The following FMN1 variants were observed in gnomAD, a reference collection of about 807,000 sequenced individuals.
The protein encoded by FMN1 is formin 1.
FMN1 carries 110 observed loss-of-function variants against 132.4 expected under a neutral mutation model. That is an observed-to-expected ratio of 0.83 (90% confidence interval 0.71 to 0.97). The LOEUF is 0.97. FMN1 is among the 50% of genes least tolerant of loss of function. The pLI is 0.00. For synonymous variants in FMN1, 722 were observed against 651.7 expected, an observed-to-expected ratio of 1.11 and a Z score of -1.64; for missense variants, 1,792 against 1,705.3, an observed-to-expected ratio of 1.05 and a Z score of -0.90.
chr15:33,163,669 G>A (rs1964987044), intron 3 of FMN1, among the ~76,000 whole-genome samples: 1 of 151,364 alleles, frequency 6.6e-6, no homozygotes. Flanking sequence ...CGAGGCTGGA[G>A]TACAGTGGTG....
At chr15:33,003,726 G>T (rs1042640292) in intron 7 of FMN1, among the ~76,000 whole-genome samples, 1,771 of 152,172 alleles carry the variant, frequency 0.012, 43 homozygotes, top group African/African-American at 0.041. Context: ...AAAAGAGCCC[G>T]CATTGCCAAG....
chr15:33,153,984 C>T lies in FMN1; in HGVS notation c.931G>A (p.Asp311Asn), dbSNP rs201784615. Reference sequence around the variant, plus strand: ...CGCTTAGCCGGCTTCTCCATCTCATCCTTTTCTGCCTCTGGATGCTTCTCA... The same window carrying T: ...CGCTTAGCCGGCTTCTCCATCTCATTCTTTTCTGCCTCTGGATGCTTCTCA... ...DPEKHPEAEKDEMEKPAKRTC... is the reference protein window; with the variant it reads ...DPEKHPEAEKNEMEKPAKRTC... Residue 311 changes from aspartate to asparagine, a missense_variant, in exon 4 of 21, where the codon GAT becomes AAT. Asp to Asn is a conservative substitution (Grantham distance 23). Transcript: ENST00000616417. 19 of 1,536,578 alleles carry T rather than the reference C, an allele frequency of 1.2e-5. No individual in the cohort carries two copies. In the East Asian group the frequency reaches 4.6e-4, roughly 38 times the overall value.
chr15:32,888,859 T>G (rs1428494003), intron 15 of FMN1, among the ~76,000 whole-genome samples: 3 of 95,550 alleles, frequency 3.1e-5, no homozygotes, highest in African/African-American at 3.5e-5. Context: ...ATACACAGGT[T>G]TTTTTTTTTT....
At chr15:32,951,396 C>T (rs545424737) in intron 9 of FMN1, among the ~76,000 whole-genome samples, 1 of 151,358 alleles carries the variant, frequency 6.6e-6, no homozygotes, top group South Asian at 2.1e-4. Flanking sequence ...AATTCATTTG[C>T]TTTAACTGCA....
chr15:32,926,409 G>A, intron 9 of FMN1, 148 bp from the exon 10 acceptor site: 1 of 546,932 alleles, frequency 1.8e-6, no homozygotes, highest in Non-Finnish European at 3.2e-6. Flanking sequence ...ATACTTAATT[G>A]GGAAGTAACT....
chr15:33,167,650 C>A (rs1317552980), intron 3 of FMN1, among the ~76,000 whole-genome samples: 1 of 152,130 alleles, frequency 6.6e-6, no homozygotes, highest in Non-Finnish European at 1.5e-5. Flanking sequence ...TGTTAATAGC[C>A]TACTGTTGAC....
chr15:32,771,773 A>C lies in FMN1; in HGVS notation c.*2537T>G, dbSNP rs546605675. The C allele has an allele frequency of 2.0e-5, 3 of 152,362 alleles. No homozygotes were observed. Among genetic ancestry groups the C allele is most frequent in the African/African-American group, 7.2e-5 (3 of 41,596 alleles). The allele number at this position is 152,362 out of a possible 1,614,324, so 9.4% of individuals were successfully genotyped here. A position where few individuals can be genotyped will look rare whatever the true frequency, so the allele number is the denominator to read the frequency against. ...AGATCCTCCTGCTACACTGAACACA[A>C]GCTCAACAGCATTTTAGAGGGATCA... On this transcript the variant is annotated 3_prime_UTR_variant, in exon 21 of 21. Transcript: ENST00000616417.
At chr15:33,073,268 C>G (rs1472134774) in intron 5 of FMN1, among the ~76,000 whole-genome samples, 1 of 152,200 alleles carries the variant, frequency 6.6e-6, no homozygotes, top group Non-Finnish European at 1.5e-5. Context: ...CATGATTCTC[C>G]TTGTCCAACT....
chr15:33,017,840 G>A (rs570600209), intron 6 of FMN1, among the ~76,000 whole-genome samples: 2 of 152,160 alleles, frequency 1.3e-5, no homozygotes, highest in South Asian at 2.1e-4. Context: ...TGAGGCGGAC[G>A]GATTTCCTGA....
At chr15:32,785,182 G>GTATA (rs2056818263) in intron 19 of FMN1, among the ~76,000 whole-genome samples, 1 of 37,404 alleles carries the variant, frequency 2.7e-5, no homozygotes, top group African/African-American at 9.7e-5. Context: ...GTGTGTGTGT[G>GTATA]TGTGTGTGTG....
At chr15:33,016,752 A>T (rs558814752) in intron 6 of FMN1, among the ~76,000 whole-genome samples, 35 of 152,294 alleles carry the variant, frequency 2.3e-4, no homozygotes, top group African/African-American at 8.2e-4. Flanking sequence ...ACAGTTTTTA[A>T]GCCTCACCCC....
At chr15:32,816,308 A>AT (rs1471594346) in intron 17 of FMN1, among the ~76,000 whole-genome samples, 2 of 152,222 alleles carry the variant, frequency 1.3e-5, no homozygotes, top group African/African-American at 4.8e-5. Context: ...TAAATAAAGA[A>AT]TATAAAGCAG....
intron 9 of FMN1, among the ~76,000 whole-genome samples, chr15:32,954,937 GGTGGAGGTT>G (rs2061731462): frequency 6.6e-6 from 1 of 152,200 alleles, no homozygotes; most frequent in South Asian, 2.1e-4. Context: ...GAACCTGAGA[GGTGGAGGTT>G]GCAGTGACTA....
chr15:33,122,342 A>C (rs1962645428), intron 4 of FMN1, among the ~76,000 whole-genome samples: 1 of 152,226 alleles, frequency 6.6e-6, no homozygotes, highest in African/African-American at 2.4e-5. Flanking sequence ...TAAAAGAAGA[A>C]AATTTTTTAA....
chr15:32,915,904 A>G (rs963005113), intron 10 of FMN1, among the ~76,000 whole-genome samples: 4 of 152,228 alleles, frequency 2.6e-5, no homozygotes, highest in Admixed American at 2.6e-4. Context: ...CGCTGTGAAA[A>G]GCTGGTAATT....
At chr15:32,914,749 C>T (rs1463778734) in intron 10 of FMN1, among the ~76,000 whole-genome samples, 1 of 152,222 alleles carries the variant, frequency 6.6e-6, no homozygotes, top group Non-Finnish European at 1.5e-5. Context: ...AGTGACATTG[C>T]TAACTAGCTC....
In FMN1 at chr15:32,964,048, CAT is replaced by C. The variant is rs373128790; in HGVS notation, c.3138+57_3138+58del. 8.7e-3 allele frequency: 9,749 copies of C among 1,122,664 alleles called. 481 individuals are homozygous for C. The highest frequency in any genetic ancestry group is 0.083 in the African/African-American group (4,672 of 56,312). The allele number at this position is 1,122,664 out of a possible 1,614,324, so 69.5% of individuals were successfully genotyped here. ...ACACACACACACACACACACACACA[CAT>C]ATATACCATTTCCCTGTATAATATA... On this transcript the variant is annotated intron_variant, in intron 9 of 20. Coordinates refer to ENST00000616417, the MANE Select transcript of FMN1 (RefSeq NM_001277313.2).
intron 12 of FMN1, among the ~76,000 whole-genome samples, chr15:32,902,346 A>C (rs2060318401): frequency 6.6e-6 from 1 of 152,246 alleles, no homozygotes; most frequent in African/African-American, 2.4e-5. Flanking sequence ...CAAGAGACTA[A>C]ACCCAAATGG....
intron 6 of FMN1, among the ~76,000 whole-genome samples, chr15:33,016,566 G>T (rs148336224): frequency 6.6e-6 from 1 of 152,188 alleles, no homozygotes; most frequent in African/African-American, 2.4e-5. Flanking sequence ...TAAAGAGAAA[G>T]TAGTCAACAG....
Sources: allele counts gnomAD v4.1 joint callset (sites outside exome capture counted in the v4.1 genomes callset), GRCh38; gene constraint gnomAD v4.1.1; transcripts MANE v1.5; gene names NCBI Gene and HGNC (gene_info 2026-07-23, HGNC 2026-07-21).